The following SPOCK3 variants were observed in gnomAD, a reference collection of about 807,000 sequenced individuals.
The protein encoded by SPOCK3 is SPARC (osteonectin), cwcv and kazal like domains proteoglycan 3, also known as testican-3.
A neutral mutation model predicts 56.6 loss-of-function variants in SPOCK3; 30 were observed. The observed-to-expected ratio is 0.53, with a 90% confidence interval of 0.40 to 0.72. The LOEUF is 0.72. Among genes scored for constraint, SPOCK3 ranks in the 30% least tolerant of loss-of-function variants. The pLI is 0.00. For missense variants in SPOCK3, 527 were observed against 530.0 expected (o/e 0.99, Z 0.06); for synonymous variants, 196 against 183.3 (o/e 1.07, Z -0.56).
chr4:167,048,956 A>G (rs1037083628), intron 3 of SPOCK3, among the ~76,000 whole-genome samples: 1 of 152,154 alleles, frequency 6.6e-6, no homozygotes, highest in African/African-American at 2.4e-5. Context: ...AAGATAATTT[A>G]TCTAGTTCTC....
intron 7 of SPOCK3, among the ~76,000 whole-genome samples, chr4:166,766,785 C>A (rs923447149): frequency 6.6e-6 from 1 of 152,154 alleles, no homozygotes. Flanking sequence ...CCTTGTACCT[C>A]TGGTAGAATT....
At chr4:167,056,190 A>G (rs1754832202) in intron 3 of SPOCK3, among the ~76,000 whole-genome samples, 1 of 152,188 alleles carries the variant, frequency 6.6e-6, no homozygotes, top group Admixed American at 6.5e-5. Flanking sequence ...ACCCAGGCAA[A>G]CGGGGTCTGG....
At chr4:167,103,183 A>G (rs920226928) in intron 2 of SPOCK3, among the ~76,000 whole-genome samples, 4 of 152,042 alleles carry the variant, frequency 2.6e-5, no homozygotes, top group African/African-American at 9.7e-5. Flanking sequence ...TTGGTCACTG[A>G]AGAACCAACA....
intron 2 of SPOCK3, among the ~76,000 whole-genome samples, chr4:167,100,662 A>T (rs1759562292): frequency 6.6e-6 from 1 of 152,164 alleles, no homozygotes; most frequent in South Asian, 2.1e-4. Context: ...TAGAATAAAA[A>T]TATTAAAATA....
intron 3 of SPOCK3, among the ~76,000 whole-genome samples, chr4:167,060,481 G>A (rs934918303): frequency 6.6e-6 from 1 of 151,924 alleles, no homozygotes; most frequent in African/African-American, 2.4e-5. Flanking sequence ...AACTAGGTTG[G>A]TCAATTTGAC....
chr4:166,996,849 G>A (rs947025439), intron 4 of SPOCK3, among the ~76,000 whole-genome samples: 1 of 152,036 alleles, frequency 6.6e-6, no homozygotes, highest in Admixed American at 6.6e-5. Context: ...TGATTTCAGA[G>A]GACAATTATT....
At chr4:166,954,502 A>G (rs1182671556) in intron 4 of SPOCK3, among the ~76,000 whole-genome samples, 1 of 152,090 alleles carries the variant, frequency 6.6e-6, no homozygotes, top group Non-Finnish European at 1.5e-5. Flanking sequence ...ATGAGCATCT[A>G]ATTTTATTAT....
At chr4:166,818,577 A>G (rs971587072) in intron 6 of SPOCK3, among the ~76,000 whole-genome samples, 2 of 151,980 alleles carry the variant, frequency 1.3e-5, no homozygotes, top group African/African-American at 4.8e-5. Flanking sequence ...TATAAACTTA[A>G]AACATCATAT....
At chr4:166,812,258 C>A (rs1239002460) in intron 6 of SPOCK3, among the ~76,000 whole-genome samples, 2 of 151,714 alleles carry the variant, frequency 1.3e-5, no homozygotes, top group African/African-American at 4.8e-5. Context: ...TTTCTATGAC[C>A]CAATATATGA....
At chr4:166,773,161 T>G (rs539910972) in intron 7 of SPOCK3, among the ~76,000 whole-genome samples, 1 of 152,138 alleles carries the variant, frequency 6.6e-6, no homozygotes, top group Non-Finnish European at 1.5e-5. Flanking sequence ...TCTATAAGGG[T>G]CTCCTCTATT....
intron 3 of SPOCK3, chr4:167,011,195 A>G (rs1256615812): frequency 2.3e-6 from 1 of 442,506 alleles, no homozygotes; most frequent in Non-Finnish European, 4.5e-6. Flanking sequence ...AGTAAAAAAT[A>G]CAAAAAAAAA....
intron 6 of SPOCK3, among the ~76,000 whole-genome samples, chr4:166,792,681 C>T (rs1335403261): frequency 6.6e-6 from 1 of 151,942 alleles, no homozygotes; most frequent in Admixed American, 6.6e-5. Flanking sequence ...TTGGCCATAC[C>T]TCTTGTAAGA....
chr4:167,197,779 G>C (rs575858646), intron 2 of SPOCK3, among the ~76,000 whole-genome samples: 2 of 152,102 alleles, frequency 1.3e-5, no homozygotes, highest in Non-Finnish European at 2.9e-5. Flanking sequence ...GAAAAATGAA[G>C]TGAATCCCCA....
At chr4:167,014,568 T>G (rs1203744831) in intron 3 of SPOCK3, among the ~76,000 whole-genome samples, 1 of 152,214 alleles carries the variant, frequency 6.6e-6, no homozygotes, top group East Asian at 1.9e-4. Context: ...GGCAGAAGGA[T>G]TACTTAAGTT....
At chr4:166,962,177 C>G (rs1208459059) in intron 4 of SPOCK3, among the ~76,000 whole-genome samples, 1 of 152,098 alleles carries the variant, frequency 6.6e-6, no homozygotes, top group Non-Finnish European at 1.5e-5. Flanking sequence ...TTTAACATAT[C>G]ATAAGGTCAG....
intron 7 of SPOCK3, among the ~76,000 whole-genome samples, chr4:166,770,375 C>T (rs1738767818): frequency 6.6e-6 from 1 of 152,112 alleles, no homozygotes; most frequent in African/African-American, 2.4e-5. Context: ...TAGATAGGGC[C>T]TATCCAGATA....
intron 3 of SPOCK3, among the ~76,000 whole-genome samples, chr4:167,017,656 A>G (rs1453823961): frequency 6.6e-6 from 1 of 151,962 alleles, no homozygotes; most frequent in Admixed American, 6.6e-5. Flanking sequence ...AGTTAAGAAC[A>G]TTTCTCTCAC....
chr4:167,065,272 A>C (rs529955755), intron 2 of SPOCK3, among the ~76,000 whole-genome samples: 2 of 151,870 alleles, frequency 1.3e-5, no homozygotes, highest in Admixed American at 1.3e-4. Flanking sequence ...TGTAGAACTG[A>C]CATTGTTAGC....
intron 4 of SPOCK3, among the ~76,000 whole-genome samples, chr4:166,938,273 G>T (rs73861909): frequency 0.037 from 5,645 of 152,204 alleles, 333 homozygotes; most frequent in African/African-American, 0.13. Context: ...GAAGGAGCAG[G>T]TGTAAAAACC....
Sources: allele counts gnomAD v4.1 joint callset (sites outside exome capture counted in the v4.1 genomes callset), GRCh38; gene constraint gnomAD v4.1.1; transcripts MANE v1.5; gene names NCBI Gene and HGNC (gene_info 2026-07-23, HGNC 2026-07-21).